Variants in EXPH5 observed in about 807,000 individuals in gnomAD.
The protein encoded by EXPH5 is exophilin 5.
A neutral mutation model predicts 41.1 loss-of-function variants in EXPH5; 42 were observed. That is an observed-to-expected ratio of 1.02 (90% confidence interval 0.80 to 1.32). EXPH5 has a LOEUF of 1.32. Ranked by LOEUF, EXPH5 falls within the 40% of genes most tolerant of loss-of-function variation. The pLI, the probability that EXPH5 is intolerant of heterozygous loss-of-function variation, is 0.00. For synonymous variants in EXPH5, 798 were observed against 833.5 expected, an observed-to-expected ratio of 0.96 and a Z score of 0.73; for missense variants, 2,298 against 2,314.5, an observed-to-expected ratio of 0.99 and a Z score of 0.15.
At position 108,510,423 on chromosome 11, in the gene EXPH5, A is replaced by G. The variant is rs1209162192; in HGVS notation, c.5084T>C (p.Ile1695Thr). ...THVSNQKSNS[I>T]SQRHQNEFKN... ...AAACTCATTCTGATGTCGTTGTGAA[A>G]TGCTGTTAGACTTCTGGTTGCTGAC... is the stretch of plus-strand genomic sequence containing the variant. The change falls in exon 6 of 6, where the codon ATT (isoleucine) becomes ACT (threonine). Residue 1695 changes from isoleucine (I) to threonine (T), a missense_variant. By Grantham distance (89) the Ile-to-Thr change is moderately conservative. Coordinates refer to ENST00000265843, the MANE Select transcript of EXPH5 (RefSeq NM_015065.3). 1 of 1,613,906 alleles carries G rather than the reference A, an allele frequency of 6.2e-7. No homozygotes were observed. The highest frequency in any genetic ancestry group is 8.5e-7 in the Non-Finnish European group (1 of 1,179,998).
intron 1 of EXPH5, among the ~76,000 whole-genome samples, chr11:108,547,366 T>G (rs2093943355): frequency 6.6e-6 from 1 of 151,948 alleles, no homozygotes; most frequent in Admixed American, 6.6e-5. Flanking sequence ...GCTAATATTT[T>G]TATTTTTTGT....
chr11:108,595,801 A>AGGT (rs2136135466), upstream of EXPH5, among the ~76,000 whole-genome samples: 1 of 152,346 alleles, frequency 6.6e-6, no homozygotes, highest in Non-Finnish European at 1.5e-5. Context: ...GTGAGCTGAA[A>AGGT]GGTAGGCTGA....
rs944073734 is a variant in EXPH5, at chr11:108,513,557, T to C, written c.1950A>G (p.Thr650=). The change falls in exon 6 of 6, where the codon ACA becomes ACG. Residue 650 remains threonine (T), a synonymous_variant. Transcript: ENST00000265843. ...NPQSPNLQNP[T]VTLQKIFPNK... ...TTGGAAAAATTTTCTGCAAAGTGAC[T>C]GTGGGATTCTGCAAGTTGGGACTCT... 80 of 1,614,108 alleles carry C rather than the reference T, an allele frequency of 5.0e-5. No homozygotes were observed. The highest frequency in any genetic ancestry group is 6.8e-5 in the Non-Finnish European group (80 of 1,180,038).
chr11:108,518,449 T>C, intron 4 of EXPH5, 76 bp from the exon 5 acceptor site: 3 of 1,343,330 alleles, frequency 2.2e-6, no homozygotes, highest in Non-Finnish European at 2.1e-6. Flanking sequence ...CCCACCAAAC[T>C]GTCCCAAGCT....
chr11:108,513,757 A>T lies in EXPH5; in HGVS notation c.1750T>A (p.Ser584Thr). ...ACGTGATAGCTTGAACCAGTCATGG[A>T]GCAAACATTTGGTGTGCCAAAATGA... The part of the protein sequence containing the change: ...TPHFGTPNVC[S>T]MTGSSYHVKS... Residue 584 changes from serine to threonine, a missense_variant, in exon 6 of 6, where the codon TCC (serine) becomes ACC (threonine). Ser to Thr is a moderately conservative substitution (Grantham distance 58, BLOSUM62 1). Transcript: ENST00000265843. The T allele has an allele frequency of 1.2e-6, 2 of 1,608,492 alleles. No individual in the cohort carries two copies. Among genetic ancestry groups the T allele is most frequent in the African/African-American group, 2.7e-5 (2 of 74,810 alleles).
At chr11:108,527,073 A>T (rs1210418628) in intron 4 of EXPH5, among the ~76,000 whole-genome samples, 2 of 152,092 alleles carry the variant, frequency 1.3e-5, no homozygotes, top group Non-Finnish European at 1.5e-5. Flanking sequence ...TAATCCCAGC[A>T]CTTTGGGAAG....
intron 3 of EXPH5, 123 bp from the exon 4 acceptor site, chr11:108,528,307 T>A: frequency 3.1e-6 from 2 of 648,708 alleles, no homozygotes; most frequent in Non-Finnish European, 5.5e-6. Context: ...TAATTCACTG[T>A]AGAAAGATGT....
intron 3 of EXPH5, chr11:108,538,000 G>T (rs980363189): frequency 1.4e-5 from 14 of 985,186 alleles, no homozygotes; most frequent in Non-Finnish European, 1.7e-5. Context: ...GACTCTGGTA[G>T]CTACAGTCAC....
chr11:108,548,109 TAAAAAAAAAAA>T (rs66485994), intron 1 of EXPH5, among the ~76,000 whole-genome samples: 3 of 108,202 alleles, frequency 2.8e-5, no homozygotes, highest in African/African-American at 1.2e-4. Context: ...ACTTCATCTT[TAAAAAAAAAAA>T]AAAAAAAAAA....
chr11:108,567,585 T>A (rs1283059990), intron 1 of EXPH5, among the ~76,000 whole-genome samples: 1 of 152,206 alleles, frequency 6.6e-6, no homozygotes, highest in African/African-American at 2.4e-5. Context: ...TATACATTTC[T>A]TGGGTCCCAT....
At chr11:108,520,523 A>T (rs1268702574) in intron 4 of EXPH5, among the ~76,000 whole-genome samples, 1 of 152,116 alleles carries the variant, frequency 6.6e-6, no homozygotes. Context: ...GGAGAATGAT[A>T]TAGAACTAAA....
chr11:108,560,646 T>C (rs181421010), intron 1 of EXPH5, among the ~76,000 whole-genome samples: 8 of 152,334 alleles, frequency 5.3e-5, no homozygotes, highest in Admixed American at 1.3e-4. Flanking sequence ...TTAAGTTTTG[T>C]CTGTAGATGT....
At position 108,523,359 on chromosome 11, in the gene EXPH5, G is replaced by A. The variant is rs200780307; in HGVS notation, c.492+4777C>T. On this transcript the variant is annotated intron_variant, in intron 4 of 5. Transcript: ENST00000265843. Reference sequence around the variant, plus strand: ...CTGAAGTCACATGAATAATCTATATGGTGGCACTGGCTACTCATACTCATA... The same window carrying A: ...CTGAAGTCACATGAATAATCTATATAGTGGCACTGGCTACTCATACTCATA... Among the ~76,000 whole-genome samples the A allele has an allele frequency of 2.7e-4, 41 of 152,138 alleles. 1 individual carries two copies. The highest frequency in any genetic ancestry group is 2.3e-3 in the East Asian group (12 of 5,182).
intron 1 of EXPH5, among the ~76,000 whole-genome samples, chr11:108,546,283 T>A (rs563154122): frequency 6.6e-6 from 1 of 152,034 alleles, no homozygotes; most frequent in Non-Finnish European, 1.5e-5. Flanking sequence ...ATAAGACCCG[T>A]TGGATTTGCA....
chr11:108,539,301 G>A, intron 2 of EXPH5, 115 bp from the exon 3 acceptor site: 1 of 729,774 alleles, frequency 1.4e-6, no homozygotes, highest in South Asian at 2.1e-5. Flanking sequence ...CTAGAAACAG[G>A]GCAGGCAACC....
intron 1 of EXPH5, among the ~76,000 whole-genome samples, chr11:108,577,616 T>A (rs2094084162): frequency 6.6e-6 from 1 of 152,038 alleles, no homozygotes; most frequent in African/African-American, 2.4e-5. Flanking sequence ...AGAGACAGGG[T>A]TTCGCCGTGT....
rs145062187 is a variant in EXPH5, at chr11:108,524,506, C to T, written c.492+3630G>A. 3.7e-3 allele frequency among the ~76,000 whole-genome samples: 564 copies of T among 152,262 alleles called. 2 individuals are homozygous for T. Among genetic ancestry groups the T allele is most frequent in the Middle Eastern group, 0.031 (9 of 294 alleles). The stretch of plus-strand genomic sequence containing the variant: ...GAGGCCATTGCAAAATGCTGGCTTT[C>T]AGGATCTCAGTTACATGGTACATAA... On this transcript the variant is annotated intron_variant, in intron 4 of 5. Coordinates refer to ENST00000265843, the MANE Select transcript of EXPH5 (RefSeq NM_015065.3).
At chr11:108,541,512 A>G in intron 2 of EXPH5, 140 bp downstream of exon 2, 1 of 545,284 alleles carries the variant, frequency 1.8e-6, no homozygotes, top group Non-Finnish European at 3.1e-6. Flanking sequence ...TGTATATTGT[A>G]TTATAAACTT....
chr11:108,572,015 A>T (rs1298516212), intron 1 of EXPH5, among the ~76,000 whole-genome samples: 1 of 150,742 alleles, frequency 6.6e-6, no homozygotes, highest in African/African-American at 2.4e-5. Flanking sequence ...GCACCACTGC[A>T]CTCCAGCCTG....
Sources: allele counts gnomAD v4.1 joint callset (sites outside exome capture counted in the v4.1 genomes callset), GRCh38; gene constraint gnomAD v4.1.1; transcripts MANE v1.5; gene names NCBI Gene and HGNC (gene_info 2026-07-23, HGNC 2026-07-21).